The following EYS variants were observed in gnomAD, a reference collection of about 807,000 sequenced individuals.
EYS encodes EGF-like photoreceptor maintenance factor.
EYS carries 250 observed loss-of-function variants against 282.1 expected under a neutral mutation model. The ratio of observed to expected loss-of-function variants is 0.89; its 90% confidence interval spans 0.80 to 0.98. The LOEUF (loss-of-function observed/expected upper bound fraction) is 0.98, where lower values mean the gene tolerates loss of function less well. EYS is among the 50% of genes least tolerant of loss of function. EYS has a pLI of 0.00. For missense variants in EYS, 4,016 were observed against 3,709.0 expected, an observed-to-expected ratio of 1.08 and a Z score of -2.15; for synonymous variants, 1,355 against 1,282.9, an observed-to-expected ratio of 1.06 and a Z score of -1.20.
At chr6:64,066,580 A>T in intron 32 of EYS, 89 bp from the exon 33 acceptor site, 1 of 930,646 alleles carries the variant, frequency 1.1e-6, no homozygotes, top group East Asian at 2.7e-5. Context: ...GCCATCAAAG[A>T]CTAATGATTT....
chr6:64,698,409 AT>A (rs1770660657), intron 22 of EYS, among the ~76,000 whole-genome samples: 1 of 152,106 alleles, frequency 6.6e-6, no homozygotes, highest in Non-Finnish European at 1.5e-5. Context: ...AATAAACAAA[AT>A]TAAAAGACCA....
At chr6:64,501,944 T>A (rs913774883) in intron 26 of EYS, among the ~76,000 whole-genome samples, 1 of 152,206 alleles carries the variant, frequency 6.6e-6, no homozygotes, top group Non-Finnish European at 1.5e-5. Context: ...GTACTAGTTC[T>A]GGAACTTGGG....
chr6:64,801,578 G>A (rs1176997601), intron 22 of EYS, among the ~76,000 whole-genome samples: 1 of 151,988 alleles, frequency 6.6e-6, no homozygotes, highest in Non-Finnish European at 1.5e-5. Flanking sequence ...TTCTACCTTT[G>A]TTGATGAATT....
intron 1 of EYS, among the ~76,000 whole-genome samples, chr6:65,680,662 C>T (rs1768781694): frequency 6.6e-6 from 1 of 151,920 alleles, no homozygotes; most frequent in Non-Finnish European, 1.5e-5. Context: ...CTGTGATTGA[C>T]TCTGATTTAT....
At chr6:64,024,893 G>C (rs750918827) in intron 33 of EYS, among the ~76,000 whole-genome samples, 1 of 152,104 alleles carries the variant, frequency 6.6e-6, no homozygotes, top group Non-Finnish European at 1.5e-5. Context: ...GAGGGTCTGC[G>C]GCTTCATTCT....
intron 2 of EYS, among the ~76,000 whole-genome samples, chr6:65,525,761 T>C (rs1025206742): frequency 3.3e-5 from 5 of 152,242 alleles, no homozygotes; most frequent in African/African-American, 4.8e-5. Flanking sequence ...TCTTGCCTCA[T>C]GGCAATGAGT....
intron 12 of EYS, among the ~76,000 whole-genome samples, chr6:65,107,052 G>A (rs1775060483): frequency 6.6e-6 from 1 of 152,010 alleles, no homozygotes; most frequent in South Asian, 2.1e-4. Flanking sequence ...AGAGTCACAT[G>A]TAGAAATATC....
In EYS at chr6:64,945,238, A is replaced by G. The variant is rs374348819; in HGVS notation, c.2381+555T>C. 1.2e-4 allele frequency among the ~76,000 whole-genome samples: 19 copies of G among 152,098 alleles called. No individual in the cohort carries two copies. In the South Asian group the frequency reaches 3.9e-3, roughly 32 times the overall value. Reference sequence around the variant, plus strand: ...TATTCAACAAGCAAAAAACAACTCCATTAAAAGGTGGGCATAATACATAAA... The same window carrying G: ...TATTCAACAAGCAAAAAACAACTCCGTTAAAAGGTGGGCATAATACATAAA... On this transcript the variant is annotated intron_variant, in intron 15 of 42. Transcript: ENST00000503581.
At chr6:65,234,940 T>C (rs933672540) in intron 12 of EYS, among the ~76,000 whole-genome samples, 2 of 152,146 alleles carry the variant, frequency 1.3e-5, no homozygotes, top group Admixed American at 1.3e-4. Flanking sequence ...AGTAAGAATA[T>C]AGAATAAAGT....
intron 10 of EYS, among the ~76,000 whole-genome samples, chr6:65,338,185 T>G (rs2150315764): frequency 6.6e-6 from 1 of 150,876 alleles, no homozygotes; most frequent in East Asian, 1.9e-4. Flanking sequence ...TGCAAGTAAT[T>G]TCTAGGACTA....
At chr6:65,063,855 T>C (rs1773652419) in intron 12 of EYS, among the ~76,000 whole-genome samples, 1 of 151,966 alleles carries the variant, frequency 6.6e-6, no homozygotes, top group South Asian at 2.1e-4. Flanking sequence ...AGTAAATCAC[T>C]GTCTCTTGCC....
At chr6:64,472,004 T>C (rs1472096733) in intron 26 of EYS, among the ~76,000 whole-genome samples, 9 of 152,188 alleles carry the variant, frequency 5.9e-5, no homozygotes, top group Admixed American at 4.6e-4. Context: ...GTGATAGATA[T>C]CTTAAATACT....
At chr6:64,916,745 G>T (rs1469306561) in intron 15 of EYS, among the ~76,000 whole-genome samples, 1 of 152,004 alleles carries the variant, frequency 6.6e-6, no homozygotes, top group Non-Finnish European at 1.5e-5. Flanking sequence ...TACAATTTCT[G>T]GTAGTAAACA....
chr6:64,225,682 T>C (rs1766232380), intron 31 of EYS, among the ~76,000 whole-genome samples: 1 of 152,168 alleles, frequency 6.6e-6, no homozygotes. Context: ...TCACTGAGGA[T>C]TGTGTCATAG....
chr6:64,977,040 A>C, intron 14 of EYS, among the ~76,000 whole-genome samples: 1 of 151,644 alleles, frequency 6.6e-6, no homozygotes, highest in East Asian at 2.0e-4. Context: ...TTAGAGGCAT[A>C]TGCCACCACG....
In EYS at chr6:64,207,253, G is replaced by A. The variant is rs115173884; in HGVS notation, c.6424+23339C>T. 9.3e-3 allele frequency among the ~76,000 whole-genome samples: 1,413 copies of A among 151,714 alleles called. 26 individuals are homozygous for A. Among genetic ancestry groups the A allele is most frequent in the African/African-American group, 0.033 (1,363 of 41,338 alleles). ...TGATAATTAACCCACTCCCAAGTTC[G>A]GTCCCCATTTTGTCTCTATCTTGTG... On this transcript the variant is annotated intron_variant, in intron 31 of 42. Transcript: ENST00000503581.
intron 13 of EYS, among the ~76,000 whole-genome samples, chr6:65,009,642 T>C (rs1216667358): frequency 7.2e-5 from 11 of 152,186 alleles, no homozygotes; most frequent in Admixed American, 7.2e-4. Flanking sequence ...TCAATTCTCA[T>C]ACCTGGACAC....
At chr6:64,552,525 C>T (rs911307829) in intron 26 of EYS, among the ~76,000 whole-genome samples, 1 of 152,142 alleles carries the variant, frequency 6.6e-6, no homozygotes, top group Non-Finnish European at 1.5e-5. Context: ...ATAATAAGAA[C>T]CCGGGTCTCT....
intron 31 of EYS, among the ~76,000 whole-genome samples, chr6:64,106,785 T>G (rs1773027797): frequency 6.6e-6 from 1 of 152,050 alleles, no homozygotes; most frequent in Non-Finnish European, 1.5e-5. Flanking sequence ...CTCCTTTTTC[T>G]TCTTCTGATA....
Sources: gnomAD v4.1 joint callset for allele counts (sites outside exome capture counted in the v4.1 genomes callset) on GRCh38, gnomAD v4.1.1 for gene constraint, MANE v1.5 for transcripts, NCBI Gene and HGNC (gene_info 2026-07-23, HGNC 2026-07-21) for gene names.